VTI1A: variants seen among roughly 807,000 people sequenced by gnomAD.
The protein encoded by VTI1A is vesicle transport through interaction with t-SNAREs 1A, also known as vesicle transport through interaction with t-SNAREs homolog 1A.
In VTI1A, 22 loss-of-function variants were observed where a neutral mutation model predicts 34.9. The ratio of observed to expected loss-of-function variants is 0.63; its 90% CI spans 0.45 to 0.90. The LOEUF (loss-of-function observed/expected upper bound fraction) is 0.90. Ranked by LOEUF, VTI1A falls within the 40% of genes least tolerant of loss-of-function variation. The probability of loss-of-function intolerance (pLI) is 0.00; values close to 1 mark genes in which losing one functional copy is unlikely to be tolerated. For missense variants in VTI1A, 268 were observed against 275.6 expected, an observed-to-expected ratio of 0.97 and a Z score of 0.20; for synonymous variants, 87 against 97.3, an observed-to-expected ratio of 0.89 and a Z score of 0.62.
intron 2 of VTI1A, among the ~76,000 whole-genome samples, chr10:112,463,680 C>T (rs568267766): frequency 2.3e-4 from 35 of 150,506 alleles, no homozygotes; most frequent in African/African-American, 8.5e-4. Flanking sequence ...TGTAATTTAG[C>T]ATATTACTGT....
chr10:112,611,002 ATG>A (rs1247992916), intron 5 of VTI1A, among the ~76,000 whole-genome samples: 1 of 152,174 alleles, frequency 6.6e-6, no homozygotes, highest in East Asian at 1.9e-4. Context: ...TGAAATGAAA[ATG>A]TCTATCAGTT....
At chr10:112,724,078 T>G (rs2133945190) in intron 7 of VTI1A, among the ~76,000 whole-genome samples, 1 of 152,332 alleles carries the variant, frequency 6.6e-6, no homozygotes, top group Non-Finnish European at 1.5e-5. Context: ...CTGCATATCT[T>G]TGTATCCCAC....
At chr10:112,597,092 A>T (rs906372323) in intron 5 of VTI1A, among the ~76,000 whole-genome samples, 1 of 152,180 alleles carries the variant, frequency 6.6e-6, no homozygotes, top group Non-Finnish European at 1.5e-5. Context: ...TCTGCTTCTC[A>T]TTCTTTGAAG....
intron 5 of VTI1A, among the ~76,000 whole-genome samples, chr10:112,583,544 C>G (rs915411916): frequency 6.6e-5 from 10 of 152,160 alleles, no homozygotes; most frequent in Non-Finnish European, 1.5e-5. Context: ...TAAAAAAATA[C>G]ATTATTAAGG....
At chr10:112,853,121 A>G in the VTI1A span, among the ~76,000 whole-genome samples, 2 of 152,164 alleles carry the variant, frequency 1.3e-5, no homozygotes, top group Admixed American at 6.5e-5. Context: ...TCCTTGTCCA[A>G]GGTACAGCCA....
chr10:112,705,132 G>C (rs1301021598), intron 7 of VTI1A, among the ~76,000 whole-genome samples: 1 of 151,516 alleles, frequency 6.6e-6, no homozygotes, highest in Non-Finnish European at 1.5e-5. Flanking sequence ...TGAACTCCTG[G>C]CCTCAAGCAA....
At chr10:112,452,687 T>C (rs1227027474) in intron 1 of VTI1A, among the ~76,000 whole-genome samples, 1 of 136,012 alleles carries the variant, frequency 7.4e-6, no homozygotes, top group African/African-American at 2.8e-5. Context: ...ATGTTGTCTA[T>C]ATATTGGTCA....
intron 7 of VTI1A, among the ~76,000 whole-genome samples, chr10:112,683,541 A>T (rs968803721): frequency 3.3e-5 from 5 of 152,190 alleles, no homozygotes; most frequent in Non-Finnish European, 5.9e-5. Context: ...ATTTTTAAAT[A>T]AAAAAATTGT....
chr10:112,805,106 T>A (rs1377216706), intron 7 of VTI1A, among the ~76,000 whole-genome samples: 1 of 151,846 alleles, frequency 6.6e-6, no homozygotes, highest in Non-Finnish European at 1.5e-5. Flanking sequence ...CCTCAAGCGA[T>A]CCTCCCACCA....
intron 5 of VTI1A, among the ~76,000 whole-genome samples, chr10:112,569,180 G>C (rs1047172058): frequency 6.6e-6 from 1 of 151,778 alleles, no homozygotes; most frequent in South Asian, 2.1e-4. Context: ...TGGGAAAAAA[G>C]GTGAAACTCA....
chr10:112,853,172 G>A, the VTI1A span, among the ~76,000 whole-genome samples: 3 of 152,104 alleles, frequency 2.0e-5, no homozygotes, highest in Non-Finnish European at 2.9e-5. Context: ...CTTCCAGGGG[G>A]GTAAATTCTG....
At chr10:112,488,469 A>G (rs1848718238) in intron 3 of VTI1A, among the ~76,000 whole-genome samples, 1 of 152,206 alleles carries the variant, frequency 6.6e-6, no homozygotes, top group Non-Finnish European at 1.5e-5. Context: ...CTTGGTTAAG[A>G]TAGAGGATTT....
chr10:112,649,902 A>G (rs1846945536), intron 5 of VTI1A, among the ~76,000 whole-genome samples: 1 of 152,234 alleles, frequency 6.6e-6, no homozygotes, highest in Non-Finnish European at 1.5e-5. Flanking sequence ...GACACTCACC[A>G]TGAATATGAA....
At chr10:112,705,115 G>A (rs1295157359) in intron 7 of VTI1A, among the ~76,000 whole-genome samples, 1 of 151,222 alleles carries the variant, frequency 6.6e-6, no homozygotes, top group African/African-American at 2.4e-5. Flanking sequence ...TGTTGTCTGG[G>A]CTCGTCTGAA....
At chr10:112,814,962 G>T (rs535752871) in intron 7 of VTI1A, among the ~76,000 whole-genome samples, 1 of 151,948 alleles carries the variant, frequency 6.6e-6, no homozygotes, top group African/African-American at 2.4e-5. Flanking sequence ...AGCTCGCAAG[G>T]GGCCCTTGAT....
At chr10:112,838,525 C>A in the VTI1A span, among the ~76,000 whole-genome samples, 1 of 152,024 alleles carries the variant, frequency 6.6e-6, no homozygotes, top group Admixed American at 6.6e-5. Flanking sequence ...TTCATGTGTC[C>A]AGTATTTTAT....
chr10:112,708,360 G>C (rs1036384806), intron 7 of VTI1A, among the ~76,000 whole-genome samples: 2 of 152,200 alleles, frequency 1.3e-5, no homozygotes, highest in African/African-American at 4.8e-5. Context: ...TATAAACAGG[G>C]TTACAGGTCT....
chr10:112,761,768 CTCTGTGTGTGTG>C lies in VTI1A; in HGVS notation c.561-53520_561-53509del, dbSNP rs1851471368. On this transcript the variant is annotated intron_variant, in intron 7 of 7. Transcript: ENST00000393077. ...TGCTCTCCCTCCTCTCTCTTTCTTT[CTCTGTGTGTGTG>C]TGTGTGTGTGTGTGTGTGTATGTAT... Among the ~76,000 whole-genome samples the C allele has an allele frequency of 4.9e-5, 4 of 82,322 alleles. No individual in the cohort carries two copies. The Admixed American group carries it at 5.7e-4, about 12-fold the overall frequency. 54.0% of individuals were successfully genotyped at this position (82,322 alleles called of 152,430 possible).
Position 112,500,842 on chromosome 10 carries a change from G to A in VTI1A, c.265-26245G>A, listed in dbSNP as rs566274457. Reference sequence around the variant, plus strand: ...GTTTAGAGTTGTGCCTCACATTTTAGGCCTCAGTTATTTTATACATGCTAT... The same window carrying A: ...GTTTAGAGTTGTGCCTCACATTTTAAGCCTCAGTTATTTTATACATGCTAT... On this transcript the variant is annotated intron_variant, in intron 3 of 7. Coordinates refer to ENST00000393077, the MANE Select transcript of VTI1A (RefSeq NM_145206.4). Among the ~76,000 whole-genome samples, 12 of 152,166 alleles carry A rather than the reference G, an allele frequency of 7.9e-5. No homozygotes were observed. The South Asian group carries it at 1.7e-3, about 21-fold the overall frequency.
Sources: allele counts gnomAD v4.1 joint callset (sites outside exome capture counted in the v4.1 genomes callset), GRCh38; gene constraint gnomAD v4.1.1; transcripts MANE v1.5; gene names NCBI Gene and HGNC (gene_info 2026-07-23, HGNC 2026-07-21).